The following LRMDA variants were observed in gnomAD, a reference collection of about 807,000 sequenced individuals.
LRMDA encodes the protein leucine-rich melanocyte differentiation-associated protein.
In LRMDA, 18 loss-of-function variants were observed where a neutral mutation model predicts 29.8. That is an observed-to-expected ratio of 0.60 (90% CI 0.42 to 0.90). LRMDA has a LOEUF of 0.90. LRMDA is among the 40% of genes least tolerant of loss of function. The pLI is 0.00. For missense variants in LRMDA, 273 were observed against 273.9 expected, an observed-to-expected ratio of 1.00 and a Z score of 0.02; for synonymous variants, 125 against 109.4, an observed-to-expected ratio of 1.14 and a Z score of -0.89.
At chr10:76,293,134 C>T (rs1317660946) in intron 5 of LRMDA, among the ~76,000 whole-genome samples, 1 of 152,150 alleles carries the variant, frequency 6.6e-6, no homozygotes, top group Non-Finnish European at 1.5e-5. Context: ...GCATGTGCCA[C>T]CACACCTGGC....
chr10:75,701,054 G>A (rs1417312698), intron 2 of LRMDA, among the ~76,000 whole-genome samples: 4 of 152,290 alleles, frequency 2.6e-5, no homozygotes, highest in East Asian at 3.9e-4. Context: ...CAGAAAGTGC[G>A]ATAGAGAACT....
At chr10:75,561,785 T>A (rs1389633549) in intron 2 of LRMDA, among the ~76,000 whole-genome samples, 3 of 152,094 alleles carry the variant, frequency 2.0e-5, no homozygotes, top group African/African-American at 7.2e-5. Flanking sequence ...CATTTTGTTA[T>A]GTACCCAGTA....
intron 6 of LRMDA, among the ~76,000 whole-genome samples, chr10:76,337,964 G>A (rs1044104308): frequency 4.0e-5 from 6 of 151,878 alleles, no homozygotes; most frequent in African/African-American, 1.5e-4. Flanking sequence ...AACCATCTCA[G>A]CCTAATGGCT....
At position 76,240,879 on chromosome 10, in the gene LRMDA, CACACACAT is replaced by C. The variant is rs1852265048; in HGVS notation, c.517-83510_517-83503del. Among the ~76,000 whole-genome samples the C allele has an allele frequency of 2.0e-5, 3 of 146,968 alleles. No individual in the cohort carries two copies. The Admixed American group carries it at 2.1e-4, about 10-fold the overall frequency. The stretch of plus-strand genomic sequence containing the variant: ...ATATATACATATATATATACGCACA[CACACACAT>C]ACACACATACATACACACACACCCC... On this transcript the variant is annotated intron_variant, in intron 5 of 6. Transcript: ENST00000611255.
At chr10:75,731,137 G>T (rs991605943) in intron 2 of LRMDA, among the ~76,000 whole-genome samples, 4 of 152,180 alleles carry the variant, frequency 2.6e-5, no homozygotes, top group Admixed American at 6.5e-5. Flanking sequence ...GCAACACATG[G>T]TAACCCAATT....
At chr10:76,347,412 A>G (rs1841122207) in intron 6 of LRMDA, among the ~76,000 whole-genome samples, 1 of 152,212 alleles carries the variant, frequency 6.6e-6, no homozygotes, top group Non-Finnish European at 1.5e-5. Flanking sequence ...TATAGATTAT[A>G]AATGCCATTT....
At chr10:76,349,066 G>A (rs1841143506) in intron 6 of LRMDA, among the ~76,000 whole-genome samples, 1 of 152,198 alleles carries the variant, frequency 6.6e-6, no homozygotes, top group South Asian at 2.1e-4. Context: ...GGTTTTTCTG[G>A]CATGAGTGTC....
At position 76,449,474 on chromosome 10, in the gene LRMDA, A is replaced by G. The variant is rs537091086; in HGVS notation, c.602-107735A>G. On this transcript the variant is annotated intron_variant, in intron 6 of 6. Coordinates refer to ENST00000611255, the MANE Select transcript of LRMDA (RefSeq NM_001305581.2). ...TTTTTGCAAGACTTTCTCGTATACT[A>G]TTGTTTCAATAAAACCATCTTTTAC... Among the ~76,000 whole-genome samples the G allele has an allele frequency of 8.6e-5, 13 of 151,934 alleles. No individual in the cohort carries two copies. In the East Asian group the frequency reaches 2.5e-3, roughly 29 times the overall value.
At chr10:75,848,320 A>G (rs1844675925) in intron 2 of LRMDA, among the ~76,000 whole-genome samples, 2 of 152,234 alleles carry the variant, frequency 1.3e-5, no homozygotes, top group Admixed American at 1.3e-4. Flanking sequence ...ATACTGTATG[A>G]TTCCACTTGT....
At chr10:75,576,219 G>A (rs2132073484) in intron 2 of LRMDA, among the ~76,000 whole-genome samples, 1 of 152,264 alleles carries the variant, frequency 6.6e-6, no homozygotes, top group Non-Finnish European at 1.5e-5. Flanking sequence ...TTGAATAGGT[G>A]GTTTTGCCCT....
chr10:76,322,718 A>G (rs1448697349), intron 5 of LRMDA, among the ~76,000 whole-genome samples: 1 of 152,234 alleles, frequency 6.6e-6, no homozygotes, highest in Non-Finnish European at 1.5e-5. Context: ...ACAACAAACT[A>G]AAACTCATGT....
chr10:75,443,398 T>C (rs1284832932), intron 2 of LRMDA, among the ~76,000 whole-genome samples: 2 of 152,182 alleles, frequency 1.3e-5, no homozygotes, highest in Non-Finnish European at 2.9e-5. Flanking sequence ...GTTGAGAGTT[T>C]TTATTATGAA....
chr10:75,664,090 G>T (rs981448625), intron 2 of LRMDA, among the ~76,000 whole-genome samples: 2 of 152,130 alleles, frequency 1.3e-5, no homozygotes, highest in Middle Eastern at 3.2e-3. Flanking sequence ...TCTGGGAATT[G>T]GTCCAGCCTC....
intron 2 of LRMDA, among the ~76,000 whole-genome samples, chr10:75,517,630 G>A (rs894775228): frequency 1.3e-5 from 2 of 152,068 alleles, no homozygotes; most frequent in Non-Finnish European, 2.9e-5. Flanking sequence ...TAAATATACA[G>A]TCATGTCATC....
intron 2 of LRMDA, among the ~76,000 whole-genome samples, chr10:75,796,394 T>G (rs984014364): frequency 2.0e-5 from 3 of 152,218 alleles, no homozygotes; most frequent in Non-Finnish European, 4.4e-5. Context: ...GTATTGACTT[T>G]TTCTGATGCT....
intron 2 of LRMDA, among the ~76,000 whole-genome samples, chr10:76,032,859 G>A (rs1363988859): frequency 6.6e-6 from 1 of 152,194 alleles, no homozygotes; most frequent in East Asian, 1.9e-4. Flanking sequence ...GGTGAGTGAT[G>A]CTGGACTGAC....
intron 6 of LRMDA, among the ~76,000 whole-genome samples, chr10:76,329,576 G>A (rs1430078836): frequency 6.6e-6 from 1 of 152,142 alleles, no homozygotes; most frequent in Non-Finnish European, 1.5e-5. Flanking sequence ...ACTATTGTTG[G>A]CAATCTTGCC....
At chr10:75,998,117 G>A (rs926405355) in intron 2 of LRMDA, among the ~76,000 whole-genome samples, 16 of 152,214 alleles carry the variant, frequency 1.1e-4, no homozygotes, top group African/African-American at 3.1e-4. Flanking sequence ...GTATGAAGAA[G>A]ACATAATCCT....
rs867860526 is a variant in LRMDA, at chr10:76,477,336, G to A, written c.602-79873G>A. ...AGAGAATAAAATACCTAGGAATCCA[G>A]CTTACAAGGGATGTGAAGGACCTCT... On this transcript the variant is annotated intron_variant, in intron 6 of 6. Transcript: ENST00000611255. 4.7e-3 allele frequency among the ~76,000 whole-genome samples: 712 copies of A among 151,868 alleles called. 2 individuals carry two copies. Among genetic ancestry groups the A allele is most frequent in the African/African-American group, 0.015 (633 of 41,396 alleles).
Sources: gnomAD v4.1 joint callset for allele counts (sites outside exome capture counted in the v4.1 genomes callset) on GRCh38, gnomAD v4.1.1 for gene constraint, MANE v1.5 for transcripts, NCBI Gene and HGNC (gene_info 2026-07-23, HGNC 2026-07-21) for gene names.